Variants in BCL2 observed in about 807,000 individuals in gnomAD.
The protein encoded by BCL2 is BCL2 apoptosis regulator, also known as apoptosis regulator Bcl-2.
Under a neutral mutation model 14.2 loss-of-function variants are expected in BCL2, and 1 was observed. That is an observed-to-expected ratio of 0.07 (90% confidence interval 0.02 to 0.33). BCL2 has a LOEUF of 0.33. Among genes scored for constraint, BCL2 ranks in the 10% least tolerant of loss-of-function variants. The pLI, the probability that BCL2 is intolerant of heterozygous loss-of-function variation, is 0.99. For missense variants in BCL2, 247 were observed against 305.9 expected, an observed-to-expected ratio of 0.81 and a Z score of 1.44; for synonymous variants, 151 against 137.2, an observed-to-expected ratio of 1.10 and a Z score of -0.70.
intron 2 of BCL2, among the ~76,000 whole-genome samples, chr18:63,206,132 T>C (rs528308699): frequency 3.2e-4 from 49 of 152,290 alleles, no homozygotes; most frequent in Non-Finnish European, 5.6e-4. Context: ...CACGGTGGTG[T>C]CCACACCTCT....
rs922242627 is a variant in BCL2 at position 63,174,801 on chromosome 18, C to G, written c.586-46042G>C. On this transcript the variant is annotated intron_variant, in intron 2 of 2. Transcript: ENST00000333681. ...TGCCACTGCACTCCAGCATGGGGGA[C>G]AAGAGTGAGACTTTGTCTCAAAAAA... Among the ~76,000 whole-genome samples, 3 of 91,394 alleles carry G rather than the reference C, an allele frequency of 3.3e-5. No individual in the cohort carries two copies. The East Asian group carries it at 1.1e-3, about 34-fold the overall frequency. The allele number at this position is 91,394 out of a possible 152,430, so 60.0% of individuals were successfully genotyped here.
At chr18:63,137,201 C>T (rs1159375367) in intron 2 of BCL2, among the ~76,000 whole-genome samples, 1 of 152,248 alleles carries the variant, frequency 6.6e-6, no homozygotes, top group East Asian at 1.9e-4. Context: ...TTGGTTCATT[C>T]AGAGATTCAG....
At chr18:63,308,646 T>C (rs1913214882) in intron 2 of BCL2, among the ~76,000 whole-genome samples, 1 of 152,224 alleles carries the variant, frequency 6.6e-6, no homozygotes, top group Non-Finnish European at 1.5e-5. Context: ...GAATAAATGA[T>C]ATACTTTTTC....
chr18:63,279,163 T>G (rs531997765), intron 2 of BCL2, among the ~76,000 whole-genome samples: 1 of 152,270 alleles, frequency 6.6e-6, no homozygotes, highest in East Asian at 1.9e-4. Flanking sequence ...ACACAACAAG[T>G]GCCAACCATG....
chr18:63,219,942 G>C (rs1249692425), intron 2 of BCL2, among the ~76,000 whole-genome samples: 3 of 152,154 alleles, frequency 2.0e-5, no homozygotes, highest in Non-Finnish European at 4.4e-5. Flanking sequence ...AAGAAAAGTA[G>C]GCTCAGAACT....
At chr18:63,253,064 C>T (rs998163774) in intron 2 of BCL2, among the ~76,000 whole-genome samples, 3 of 152,230 alleles carry the variant, frequency 2.0e-5, no homozygotes, top group Admixed American at 6.5e-5. Flanking sequence ...CTCAGATGCA[C>T]ACAGTTTGCG....
intron 2 of BCL2, among the ~76,000 whole-genome samples, chr18:63,252,306 T>G (rs574769976): frequency 6.6e-6 from 1 of 152,318 alleles, no homozygotes; most frequent in South Asian, 2.1e-4. Flanking sequence ...AATTTTGAGT[T>G]TTATTTCCTC....
At chr18:63,165,504 C>T (rs1333696151) in intron 2 of BCL2, among the ~76,000 whole-genome samples, 1 of 152,220 alleles carries the variant, frequency 6.6e-6, no homozygotes, top group Non-Finnish European at 1.5e-5. Context: ...TGGCCAATGG[C>T]TGCTTCTGCT....
At chr18:63,156,409 T>C (rs977273401) in intron 2 of BCL2, among the ~76,000 whole-genome samples, 1 of 152,212 alleles carries the variant, frequency 6.6e-6, no homozygotes, top group African/African-American at 2.4e-5. Context: ...CTCTGGCCTC[T>C]GCCCACGACA....
intron 2 of BCL2, among the ~76,000 whole-genome samples, chr18:63,260,600 C>T (rs1911628272): frequency 6.6e-6 from 1 of 152,162 alleles, no homozygotes; most frequent in Admixed American, 6.5e-5. Context: ...TAGGAATAAA[C>T]ATAACCCAAC....
chr18:63,294,568 G>A (rs897153791), intron 2 of BCL2, among the ~76,000 whole-genome samples: 5 of 152,074 alleles, frequency 3.3e-5, no homozygotes, highest in African/African-American at 1.2e-4. Context: ...TACTCAGGAG[G>A]CTGAGGCAGG....
At chr18:63,156,368 G>A (rs991217520) in intron 2 of BCL2, among the ~76,000 whole-genome samples, 1 of 152,188 alleles carries the variant, frequency 6.6e-6, no homozygotes, top group Non-Finnish European at 1.5e-5. Context: ...AGGACGGGCT[G>A]CCCTGTGCAC....
At chr18:63,252,585 A>T (rs1029572317) in intron 2 of BCL2, among the ~76,000 whole-genome samples, 17 of 152,130 alleles carry the variant, frequency 1.1e-4, no homozygotes, top group Admixed American at 9.2e-4. Context: ...TGATGGTTTT[A>T]AAAATGGGAG....
chr18:63,308,753 G>GAC (rs145547473), intron 2 of BCL2, among the ~76,000 whole-genome samples: 14,689 of 149,610 alleles, frequency 0.098, 837 homozygotes, highest in Admixed American at 0.14. Flanking sequence ...GGACATTTCA[G>GAC]ACACACACAC....
chr18:63,169,389 T>TCC (rs1915164005), intron 2 of BCL2, among the ~76,000 whole-genome samples: 1 of 40,768 alleles, frequency 2.5e-5, no homozygotes, highest in African/African-American at 1.1e-4. Context: ...CTTTCTTTCT[T>TCC]TTTCTTTCTT....
At chr18:63,243,043 A>G (rs974650680) in intron 2 of BCL2, among the ~76,000 whole-genome samples, 3 of 152,240 alleles carry the variant, frequency 2.0e-5, no homozygotes, top group Non-Finnish European at 4.4e-5. Context: ...ATCACTGAAT[A>G]TGAAGTGCAA....
intron 2 of BCL2, among the ~76,000 whole-genome samples, chr18:63,169,377 T>TTCTTTCTCTTTC (rs1599222113): frequency 8.4e-6 from 1 of 119,558 alleles, no homozygotes; most frequent in Non-Finnish European, 1.6e-5. Context: ...TTCTCTTTCT[T>TTCTTTCTCTTTC]TCTTTCTTTC....
chr18:63,143,448 G>A (rs558868314), intron 2 of BCL2, among the ~76,000 whole-genome samples: 2 of 152,326 alleles, frequency 1.3e-5, no homozygotes, highest in African/African-American at 4.8e-5. Context: ...CACTGTACAA[G>A]GCCTGTCAGC....
At chr18:63,152,924 G>A (rs556002325) in intron 2 of BCL2, among the ~76,000 whole-genome samples, 12 of 152,272 alleles carry the variant, frequency 7.9e-5, no homozygotes, top group Admixed American at 3.3e-4. Flanking sequence ...GATTTCTGAC[G>A]GCGTCCAACT....
Sources: gnomAD v4.1 joint callset for allele counts (sites outside exome capture counted in the v4.1 genomes callset) on GRCh38, gnomAD v4.1.1 for gene constraint, MANE v1.5 for transcripts, NCBI Gene and HGNC (gene_info 2026-07-23, HGNC 2026-07-21) for gene names.